Variants in CCDC40 observed in about 807,000 individuals in gnomAD.
The protein encoded by CCDC40 is coiled-coil domain 40 molecular ruler complex subunit, also known as coiled-coil domain-containing protein 40.
CCDC40 carries 104 observed loss-of-function variants against 124.5 expected under a neutral mutation model. The ratio of observed to expected loss-of-function variants is 0.84; its 90% CI spans 0.71 to 0.98. CCDC40 has a LOEUF of 0.98. CCDC40 is among the 50% of genes least tolerant of loss of function. The probability of loss-of-function intolerance (pLI) is 0.00; values close to 1 mark genes in which losing one functional copy is unlikely to be tolerated. For synonymous variants in CCDC40, 580 were observed against 602.9 expected, an observed-to-expected ratio of 0.96 and a Z score of 0.56; for missense variants, 1,463 against 1,503.9, an observed-to-expected ratio of 0.97 and a Z score of 0.45.
rs1598475005 is a variant in CCDC40 at position 80,039,808 on chromosome 17, A to G, written c.94-4A>G. ...CTGATTTTTTTCCTGCCACACCTTTACAGGTGTCACCACCAGAGAAGGATG... is the reference window on the plus strand; with the variant it reads ...CTGATTTTTTTCCTGCCACACCTTTGCAGGTGTCACCACCAGAGAAGGATG... On this transcript the variant is annotated splice_polypyrimidine_tract_variant and splice_region_variant and intron_variant, in intron 2 of 19. Coordinates refer to ENST00000397545, the MANE Select transcript of CCDC40 (RefSeq NM_017950.4). 1 of 1,612,716 alleles carries G rather than the reference A, an allele frequency of 6.2e-7. No homozygotes were observed. The highest frequency in any genetic ancestry group is 8.5e-7 in the Non-Finnish European group (1 of 1,178,906).
intron 12 of CCDC40, among the ~76,000 whole-genome samples, chr17:80,082,908 G>C (rs1320108655): frequency 1.3e-5 from 2 of 152,228 alleles, no homozygotes; most frequent in African/African-American, 4.8e-5. Flanking sequence ...TGCCAGTCCA[G>C]CTGCTGAAAA....
chr17:80,084,965 G>C lies in CCDC40; in HGVS notation c.2212G>C (p.Glu738Gln). The change falls in exon 13 of 20, where the codon GAG becomes CAG. Residue 738 changes from glutamate (E) to glutamine (Q), a missense_variant. Glu to Gln is a conservative substitution (Grantham distance 29). Transcript: ENST00000397545. ...GLINFLNKQL[E>Q]RMVSELGGEE... Reference sequence around the variant, plus strand: ...CATCAACTTCCTCAACAAGCAGCTGGAGCGGATGGTCTCCGAGCTGGGGGT... The same window carrying C: ...CATCAACTTCCTCAACAAGCAGCTGCAGCGGATGGTCTCCGAGCTGGGGGT... The C allele has an allele frequency of 6.2e-7, 1 of 1,613,868 alleles. No homozygotes were observed. The highest frequency in any genetic ancestry group is 8.5e-7 in the Non-Finnish European group (1 of 1,180,030).
At chr17:80,099,396 C>T in intron 19 of CCDC40, 131 bp from the exon 20 acceptor site, 1 of 1,064,686 alleles carries the variant, frequency 9.4e-7, no homozygotes. Flanking sequence ...GCAACACCTT[C>T]ACGCCGTCCC....
At chr17:80,052,278 C>G (rs893988233) in intron 7 of CCDC40, among the ~76,000 whole-genome samples, 3 of 152,202 alleles carry the variant, frequency 2.0e-5, no homozygotes, top group Non-Finnish European at 4.4e-5. Flanking sequence ...GAGAGCCGGT[C>G]TGAGTTCCAA....
intron 7 of CCDC40, among the ~76,000 whole-genome samples, chr17:80,055,101 G>A (rs193198010): frequency 6.6e-6 from 1 of 152,238 alleles, no homozygotes; most frequent in African/African-American, 2.4e-5. Context: ...TAGAAGGAGA[G>A]TTCTAAGTAT....
intron 17 of CCDC40, chr17:80,090,565 G>A: frequency 6.6e-7 from 1 of 1,504,486 alleles, no homozygotes; most frequent in Non-Finnish European, 8.9e-7. Flanking sequence ...AATGCCGGTT[G>A]TAACCCTCAA....
In CCDC40 at chr17:80,089,813, C is replaced by T. The variant is rs1052358414; in HGVS notation, c.2761C>T (p.Arg921Cys). 4 of 1,614,052 alleles carry T rather than the reference C, an allele frequency of 2.5e-6. No individual in the cohort carries two copies. Among genetic ancestry groups the T allele is most frequent in the African/African-American group, 2.7e-5 (2 of 74,944 alleles). Residue 921 changes from arginine to cysteine, a missense_variant, in exon 17 of 20, where the codon CGT becomes TGT. Coordinates refer to ENST00000397545, the MANE Select transcript of CCDC40 (RefSeq NM_017950.4). ...AAAAATCCAACTGGCAAAAGAGATGCGTTCCTCAGTGGATTCCGAGATCGG... is the reference window on the plus strand; with the variant it reads ...AAAAATCCAACTGGCAAAAGAGATGTGTTCCTCAGTGGATTCCGAGATCGG... The part of the protein sequence containing the change: ...EKKIQLAKEM[R>C]SSVDSEIGQT...
rs1376996008 is a variant in CCDC40, at chr17:80,084,727, C to A, written c.1990-16C>A. 1 of 1,613,738 alleles carries A rather than the reference C, an allele frequency of 6.2e-7. No individual in the cohort carries two copies. Among genetic ancestry groups the A allele is most frequent in the Non-Finnish European group, 8.5e-7 (1 of 1,180,000 alleles). On this transcript the variant is annotated splice_polypyrimidine_tract_variant and intron_variant, in intron 12 of 19. Transcript: ENST00000397545. ...GTGGGGGCAATATTCACAGGTATTT[C>A]TTTTCATCAATTCAGATGACACATC...
chr17:80,065,420 T>C, intron 9 of CCDC40, 65 bp from the exon 10 acceptor site: 2 of 1,607,760 alleles, frequency 1.2e-6, no homozygotes, highest in Admixed American at 1.7e-5. Flanking sequence ...GGCTCTGGTG[T>C]TCTTGGGCTT....
At chr17:80,090,116 A>T (rs1251935491) in intron 17 of CCDC40, 46 of 1,536,306 alleles carry the variant, frequency 3.0e-5, no homozygotes, top group Non-Finnish European at 4.0e-5. Flanking sequence ...AGCTTTTACC[A>T]CACGCTTGCT....
Position 80,066,469 on chromosome 17 carries a change from C to G in CCDC40, c.1562+863C>G, listed in dbSNP as rs1033581645. ...TGAATAATATTGGATTAACCATACT[C>G]ATTTCTGGCCAGGCGCAGTGGCTCG... On this transcript the variant is annotated intron_variant, in intron 10 of 19. Coordinates refer to ENST00000397545, the MANE Select transcript of CCDC40 (RefSeq NM_017950.4). The surrounding 1 kb of genome is among the most constrained non-coding windows in gnomAD (Gnocchi z 4.4). 2.9e-6 allele frequency: 1 copy of G among 345,538 alleles called. No individual in the cohort carries two copies. Among genetic ancestry groups the G allele is most frequent in the Non-Finnish European group, 5.3e-6 (1 of 187,930 alleles). The allele number at this position is 345,538 out of a possible 1,614,324, so 21.4% of individuals were successfully genotyped here.
At chr17:80,061,390 C>T (rs1397848631) in intron 9 of CCDC40, among the ~76,000 whole-genome samples, 2 of 152,174 alleles carry the variant, frequency 1.3e-5, no homozygotes, top group African/African-American at 4.8e-5. Context: ...ATCACACCCT[C>T]AATAAAACCT....
Position 80,039,890 on chromosome 17 carries a change from A to T in CCDC40, c.172A>T (p.Thr58Ser). Residue 58 changes from threonine to serine, a missense_variant, in exon 3 of 20, where the codon ACC (threonine) becomes TCC (serine). Coordinates refer to ENST00000397545, the MANE Select transcript of CCDC40 (RefSeq NM_017950.4). ...GSTEHPEEVTTQAEAAIEEGE... is the reference protein window; with the variant it reads ...GSTEHPEEVTSQAEAAIEEGE... ...CACAGAGCATCCTGAGGAAGTCACA[A>T]CCCAAGCGGAAGCTGCAATTGAAGA... 1 of 1,613,918 alleles carries T rather than the reference A, an allele frequency of 6.2e-7. No individual in the cohort carries two copies. The highest frequency in any genetic ancestry group is 1.1e-5 in the South Asian group (1 of 91,068).
At position 80,099,875 on chromosome 17, in the gene CCDC40, T is replaced by C; in HGVS notation, c.*100T>C. ...ATCTTTTGTGTTCCTAAAAACCACA[T>C]GTACCCTCAGAAGGGCATCGTTTAA... On this transcript the variant is annotated 3_prime_UTR_variant, in exon 20 of 20. Coordinates refer to ENST00000397545, the MANE Select transcript of CCDC40 (RefSeq NM_017950.4). The C allele has an allele frequency of 1.5e-6, 2 of 1,352,134 alleles. No individual in the cohort carries two copies. The highest frequency in any genetic ancestry group is 2.1e-6 in the Non-Finnish European group (2 of 971,474). The allele number at this position is 1,352,134 out of a possible 1,614,324, so 83.8% of individuals were successfully genotyped here.
chr17:80,085,407 C>T (rs925648054), intron 13 of CCDC40, among the ~76,000 whole-genome samples: 1 of 152,214 alleles, frequency 6.6e-6, no homozygotes, highest in Non-Finnish European at 1.5e-5. Flanking sequence ...ATGCCATATA[C>T]GTCATCCAGG....
intron 5 of CCDC40, 135 bp downstream of exon 5, chr17:80,048,896 T>G: frequency 1.2e-6 from 1 of 834,444 alleles, no homozygotes; most frequent in Non-Finnish European, 2.0e-6. Flanking sequence ...CTGCACCGTT[T>G]ATTGGCACTG....
At chr17:80,073,447 T>C (rs541249370) in intron 10 of CCDC40, among the ~76,000 whole-genome samples, 26 of 152,370 alleles carry the variant, frequency 1.7e-4, no homozygotes, top group Middle Eastern at 3.4e-3. Context: ...TATGGTGATC[T>C]GTGATGAGTG....
intron 9 of CCDC40, among the ~76,000 whole-genome samples, chr17:80,061,293 C>T (rs1165163266): frequency 6.6e-6 from 1 of 152,298 alleles, no homozygotes; most frequent in African/African-American, 2.4e-5. Flanking sequence ...TTGCAGTGAG[C>T]CGAGATCATG....
chr17:80,057,842 C>G (rs1368421029), intron 7 of CCDC40, among the ~76,000 whole-genome samples: 3 of 151,340 alleles, frequency 2.0e-5, no homozygotes, highest in Non-Finnish European at 4.4e-5. Flanking sequence ...CGCCACTGCA[C>G]TCCAGCCTGG....
Sources: allele counts gnomAD v4.1 joint callset (sites outside exome capture counted in the v4.1 genomes callset), GRCh38; gene constraint gnomAD v4.1.1; non-coding constraint Gnocchi (gnomAD v3.1); transcripts MANE v1.5; gene names NCBI Gene and HGNC (gene_info 2026-07-23, HGNC 2026-07-21).